Variants in EYS observed in about 807,000 individuals in gnomAD.
EYS encodes the protein EGF-like photoreceptor maintenance factor, also known as protein eyes shut homolog.
Under a neutral mutation model 282.1 loss-of-function variants are expected in EYS, and 250 were observed. The ratio of observed to expected loss-of-function variants is 0.89; its 90% CI spans 0.80 to 0.98. The LOEUF is 0.98. EYS is among the 50% of genes least tolerant of loss of function. The pLI is 0.00. For missense variants in EYS, 4,016 were observed against 3,709.0 expected, an observed-to-expected ratio of 1.08 and a Z score of -2.15; for synonymous variants, 1,355 against 1,282.9, an observed-to-expected ratio of 1.06 and a Z score of -1.20.
chr6:64,829,890 T>A (rs1049393651), intron 19 of EYS, among the ~76,000 whole-genome samples: 6 of 151,938 alleles, frequency 3.9e-5, no homozygotes, highest in Non-Finnish European at 7.4e-5. Flanking sequence ...GAGGCACTGA[T>A]TACCAGGGGA....
intron 13 of EYS, among the ~76,000 whole-genome samples, chr6:65,037,783 C>T (rs1374583851): frequency 6.6e-6 from 1 of 151,648 alleles, no homozygotes; most frequent in East Asian, 1.9e-4. Flanking sequence ...CAACTCTATA[C>T]AATCTTATCC....
At position 65,015,870 on chromosome 6, in the gene EYS, T is replaced by TAAAAAA. The variant is rs776971479; in HGVS notation, c.2138-18173_2138-18168dup. Among the ~76,000 whole-genome samples, 49 of 52,020 alleles carry TAAAAAA rather than the reference T, an allele frequency of 9.4e-4. 2 individuals carry two copies. The highest frequency in any genetic ancestry group is 1.2e-3 in the Non-Finnish European group (36 of 30,138). The allele number at this position is 52,020 out of a possible 152,430, so 34.1% of individuals were successfully genotyped here. On this transcript the variant is annotated intron_variant, in intron 13 of 42. Coordinates refer to ENST00000503581, the MANE Select transcript of EYS (RefSeq NM_001142800.2). Reference sequence around the variant, plus strand: ...CAACATGGTGAAACCTCGTCTCTACTAAAAAAAAAAAAAAAAAAAAAAAAA... The same window carrying TAAAAAA: ...CAACATGGTGAAACCTCGTCTCTACTAAAAAAAAAAAAAAAAAAAAAAAAAAAAAAA...
chr6:63,868,092 G>A (rs1413163335), intron 35 of EYS, among the ~76,000 whole-genome samples: 1 of 152,062 alleles, frequency 6.6e-6, no homozygotes, highest in Non-Finnish European at 1.5e-5. Context: ...TTTCATTTTA[G>A]GAGTGCCATA....
At chr6:64,609,872 G>C (rs1767053731) in intron 24 of EYS, among the ~76,000 whole-genome samples, 1 of 151,600 alleles carries the variant, frequency 6.6e-6, no homozygotes, top group African/African-American at 2.4e-5. Context: ...GGGCAGCAGA[G>C]AAAGAGCTTG....
chr6:64,438,022 A>G (rs1312476475), intron 27 of EYS, among the ~76,000 whole-genome samples: 1 of 151,764 alleles, frequency 6.6e-6, no homozygotes, highest in African/African-American at 2.4e-5. Context: ...TATTGCAATG[A>G]TGATTGGGAT....
chr6:65,455,821 T>C (rs1246938833), intron 5 of EYS, among the ~76,000 whole-genome samples: 1 of 151,970 alleles, frequency 6.6e-6, no homozygotes, highest in African/African-American at 2.4e-5. Flanking sequence ...CTACCAAAAA[T>C]TTAAAGAAGA....
At chr6:64,316,041 T>A (rs1213536871) in intron 29 of EYS, among the ~76,000 whole-genome samples, 1 of 152,140 alleles carries the variant, frequency 6.6e-6, no homozygotes, top group African/African-American at 2.4e-5. Context: ...AAACTCTCAA[T>A]AAACTAGGTA....
At chr6:65,561,468 C>T (rs1354699260) in intron 2 of EYS, among the ~76,000 whole-genome samples, 1 of 152,062 alleles carries the variant, frequency 6.6e-6, no homozygotes, top group Non-Finnish European at 1.5e-5. Context: ...TGAATTCAGA[C>T]CCTCATTATC....
At chr6:64,069,656 TAAAA>T (rs1179453766) in intron 32 of EYS, among the ~76,000 whole-genome samples, 1 of 151,978 alleles carries the variant, frequency 6.6e-6, no homozygotes, top group Non-Finnish European at 1.5e-5. Context: ...TAGAATTTCT[TAAAA>T]TAAGAGCAGG....
intron 12 of EYS, among the ~76,000 whole-genome samples, chr6:65,234,859 C>T (rs1160057223): frequency 1.3e-5 from 2 of 152,050 alleles, no homozygotes; most frequent in Non-Finnish European, 2.9e-5. Context: ...TAGCTAGTGA[C>T]GTTTGATCTT....
At chr6:64,418,788 A>G (rs1027717777) in intron 28 of EYS, among the ~76,000 whole-genome samples, 1 of 151,988 alleles carries the variant, frequency 6.6e-6, no homozygotes, top group African/African-American at 2.4e-5. Flanking sequence ...CATGGAAAAA[A>G]AAAAGAGTAA....
At chr6:64,029,501 A>T (rs1164358668) in intron 33 of EYS, among the ~76,000 whole-genome samples, 3 of 152,172 alleles carry the variant, frequency 2.0e-5, no homozygotes, top group Non-Finnish European at 4.4e-5. Flanking sequence ...TCCTTGAGGG[A>T]CCGGTGTTTC....
At chr6:64,585,645 A>T (rs935808936) in intron 26 of EYS, among the ~76,000 whole-genome samples, 2 of 152,086 alleles carry the variant, frequency 1.3e-5, no homozygotes, top group African/African-American at 4.8e-5. Flanking sequence ...CCTTGGATGT[A>T]GTTTTATATA....
chr6:64,624,340 T>C (rs2149855244), intron 23 of EYS, among the ~76,000 whole-genome samples: 1 of 152,336 alleles, frequency 6.6e-6, no homozygotes, highest in South Asian at 2.1e-4. Flanking sequence ...ACAAGATACC[T>C]ATTGTTATGA....
intron 32 of EYS, among the ~76,000 whole-genome samples, chr6:64,072,666 C>T (rs1246697119): frequency 6.6e-6 from 1 of 151,786 alleles, no homozygotes; most frequent in Non-Finnish European, 1.5e-5. Context: ...GACTTGTTCT[C>T]CACTCCCATC....
intron 11 of EYS, among the ~76,000 whole-genome samples, chr6:65,334,258 A>T (rs555342371): frequency 6.6e-6 from 1 of 151,332 alleles, no homozygotes; most frequent in East Asian, 2.0e-4. Flanking sequence ...GCAATATTTT[A>T]TTTTATTGTA....
chr6:65,608,765 G>A (rs1160029148), intron 2 of EYS, among the ~76,000 whole-genome samples: 7 of 151,402 alleles, frequency 4.6e-5, no homozygotes, highest in Admixed American at 6.6e-5. Flanking sequence ...ATTTATTTTC[G>A]TTTGTAGTTT....
intron 13 of EYS, among the ~76,000 whole-genome samples, chr6:65,040,645 G>T (rs552981658): frequency 4.9e-4 from 74 of 151,720 alleles, no homozygotes; most frequent in Non-Finnish European, 5.6e-4. Flanking sequence ...TATTCCTCCA[G>T]TCCTGACAAC....
intron 12 of EYS, among the ~76,000 whole-genome samples, chr6:65,094,447 T>C (rs1774678208): frequency 6.6e-6 from 1 of 150,422 alleles, no homozygotes. Flanking sequence ...ATGCACAGAA[T>C]AATCTTTGGA....
Sources: allele counts gnomAD v4.1 joint callset (sites outside exome capture counted in the v4.1 genomes callset), GRCh38; gene constraint gnomAD v4.1.1; transcripts MANE v1.5; gene names NCBI Gene and HGNC (gene_info 2026-07-23, HGNC 2026-07-21).